RAD51B: variants seen among roughly 807,000 people sequenced by gnomAD.
RAD51B encodes the protein DNA repair protein RAD51 homolog 2.
Under a neutral mutation model 42.2 loss-of-function variants are expected in RAD51B, and 38 were observed. The ratio of observed to expected loss-of-function variants is 0.90; its 90% CI spans 0.70 to 1.18. The LOEUF (loss-of-function observed/expected upper bound fraction) is 1.18, where lower values mean the gene tolerates loss of function less well. RAD51B is among the 50% of genes most tolerant of loss of function. RAD51B has a pLI of 0.00. For missense variants in RAD51B, 373 were observed against 400.7 expected (o/e 0.93, Z 0.59); for synonymous variants, 154 against 145.2 (o/e 1.06, Z -0.43).
intron 7 of RAD51B, among the ~76,000 whole-genome samples, chr14:67,935,952 C>T (rs2044926772): frequency 6.6e-6 from 1 of 151,924 alleles, no homozygotes; most frequent in African/African-American, 2.4e-5. Flanking sequence ...TTGTTGAATG[C>T]CAGAACTTTC....
intron 7 of RAD51B, among the ~76,000 whole-genome samples, chr14:68,229,434 A>G (rs1436023198): frequency 1.3e-5 from 2 of 152,204 alleles, no homozygotes; most frequent in Non-Finnish European, 2.9e-5. Context: ...AGTACGTGCT[A>G]AGAAGCAGTG....
At chr14:68,234,330 A>T (rs1245564248) in intron 7 of RAD51B, among the ~76,000 whole-genome samples, 1 of 152,258 alleles carries the variant, frequency 6.6e-6, no homozygotes, top group Non-Finnish European at 1.5e-5. Flanking sequence ...TCAGGTGGAG[A>T]AGTCCAATGG....
chr14:68,013,957 C>T (rs1427242331), intron 7 of RAD51B, among the ~76,000 whole-genome samples: 2 of 152,106 alleles, frequency 1.3e-5, no homozygotes, highest in African/African-American at 4.8e-5. Flanking sequence ...TAATGCAGGA[C>T]TGACTGACCA....
At chr14:68,457,731 T>C (rs1013234438) in intron 9 of RAD51B, among the ~76,000 whole-genome samples, 1 of 151,640 alleles carries the variant, frequency 6.6e-6, no homozygotes, top group African/African-American at 2.4e-5. Flanking sequence ...CCCGAGTAGC[T>C]GGGATTACAG....
intron 7 of RAD51B, among the ~76,000 whole-genome samples, chr14:68,240,568 C>T (rs777757611): frequency 2.0e-5 from 3 of 152,174 alleles, no homozygotes; most frequent in Non-Finnish European, 4.4e-5. Flanking sequence ...TAAGATAAAG[C>T]GTCCAGAGTA....
chr14:68,256,039 CAA>C (rs2080747774), intron 7 of RAD51B, among the ~76,000 whole-genome samples: 1 of 152,020 alleles, frequency 6.6e-6, no homozygotes. Flanking sequence ...AAATACTGTG[CAA>C]AAAAAGTTCA....
At chr14:68,202,362 A>C (rs1196465955) in intron 7 of RAD51B, among the ~76,000 whole-genome samples, 2 of 152,150 alleles carry the variant, frequency 1.3e-5, no homozygotes, top group Admixed American at 6.5e-5. Context: ...ATTGCTCTAT[A>C]GCATGTCATA....
At chr14:68,461,747 G>T (rs4902595) in intron 9 of RAD51B, among the ~76,000 whole-genome samples, 32,994 of 152,146 alleles carry the variant, frequency 0.22, 4,238 homozygotes, top group East Asian at 0.52. Context: ...CACTTTAGGG[G>T]TAGAGATAAT....
At chr14:68,308,232 T>C (rs879586709) in intron 8 of RAD51B, among the ~76,000 whole-genome samples, 15 of 152,208 alleles carry the variant, frequency 9.9e-5, no homozygotes, top group Admixed American at 9.8e-4. Context: ...TTCCATTATA[T>C]TTGCTTATCC....
At chr14:68,077,443 G>A (rs1054272554) in intron 7 of RAD51B, among the ~76,000 whole-genome samples, 16 of 152,148 alleles carry the variant, frequency 1.1e-4, no homozygotes, top group Non-Finnish European at 1.8e-4. Context: ...CTAGCTTTCT[G>A]ATTATGTAGA....
chr14:68,382,512 T>C (rs2083500988), intron 8 of RAD51B, among the ~76,000 whole-genome samples: 1 of 152,226 alleles, frequency 6.6e-6, no homozygotes, highest in Non-Finnish European at 1.5e-5. Context: ...TATTTGTTCA[T>C]TCATTCAAAT....
At chr14:68,594,372 C>G (rs949366025) in intron 10 of RAD51B, 104 of 1,011,154 alleles carry the variant, frequency 1.0e-4, no homozygotes, top group Non-Finnish European at 1.3e-4. Context: ...ATGCCATACC[C>G]CTTGAACTCT....
chr14:67,991,109 G>A (rs1346808695), intron 7 of RAD51B, among the ~76,000 whole-genome samples: 1 of 152,154 alleles, frequency 6.6e-6, no homozygotes, highest in Non-Finnish European at 1.5e-5. Flanking sequence ...TTAAATCTGG[G>A]AAACTCATTT....
intron 5 of RAD51B, among the ~76,000 whole-genome samples, chr14:67,883,440 T>C (rs1169530616): frequency 6.6e-6 from 1 of 152,140 alleles, no homozygotes; most frequent in Non-Finnish European, 1.5e-5. Flanking sequence ...CCAGATACTT[T>C]AGTCTCTTTG....
At chr14:68,239,134 G>A (rs1045329777) in intron 7 of RAD51B, among the ~76,000 whole-genome samples, 1 of 152,180 alleles carries the variant, frequency 6.6e-6, no homozygotes, top group Non-Finnish European at 1.5e-5. Flanking sequence ...GCCTCCTGGG[G>A]CCCAGATAAG....
intron 7 of RAD51B, among the ~76,000 whole-genome samples, chr14:67,957,784 A>G (rs987917351): frequency 6.6e-6 from 1 of 152,248 alleles, no homozygotes; most frequent in Non-Finnish European, 1.5e-5. Flanking sequence ...CAGAAATCAT[A>G]GTAGAATTTG....
At chr14:68,148,049 A>G (rs1349041024) in intron 7 of RAD51B, among the ~76,000 whole-genome samples, 8 of 152,030 alleles carry the variant, frequency 5.3e-5, no homozygotes, top group Non-Finnish European at 1.2e-4. Context: ...ATTATATTAC[A>G]TTTTCTAGAG....
In RAD51B at chr14:68,291,874, C is replaced by T; in HGVS notation, c.757-10C>T. 6.2e-7 allele frequency: 1 copy of T among 1,605,258 alleles called. No homozygotes were observed. The highest frequency in any genetic ancestry group is 1.1e-5 in the South Asian group (1 of 90,864). On this transcript the variant is annotated splice_polypyrimidine_tract_variant and intron_variant, in intron 7 of 10. Transcript: ENST00000471583. Reference sequence around the variant, plus strand: ...CTTGCCCCCTACCCCTTCTCCCTGTCTGTTCACAGGTTATCTTGACGAATC... The same window carrying T: ...CTTGCCCCCTACCCCTTCTCCCTGTTTGTTCACAGGTTATCTTGACGAATC...
intron 9 of RAD51B, among the ~76,000 whole-genome samples, chr14:68,439,040 ACAG>A (rs2085216232): frequency 6.6e-6 from 1 of 152,022 alleles, no homozygotes; most frequent in Non-Finnish European, 1.5e-5. Flanking sequence ...ACTTGATACC[ACAG>A]GGAACTGACC....
Sources: allele counts gnomAD v4.1 joint callset (sites outside exome capture counted in the v4.1 genomes callset), GRCh38; gene constraint gnomAD v4.1.1; transcripts MANE v1.5; gene names NCBI Gene and HGNC (gene_info 2026-07-23, HGNC 2026-07-21).